Variants in PCDHA5 observed in about 807,000 individuals in gnomAD.
PCDHA5 encodes protocadherin alpha-5.
A neutral mutation model predicts 61.6 loss-of-function variants in PCDHA5; 43 were observed. The observed-to-expected ratio is 0.70, with a 90% CI of 0.55 to 0.90. The LOEUF is 0.90. PCDHA5 is among the 40% of genes least tolerant of loss of function. The probability of loss-of-function intolerance (pLI) is 0.00; values close to 1 mark genes in which losing one functional copy is unlikely to be tolerated. For synonymous variants in PCDHA5, 627 were observed against 543.9 expected (o/e 1.15, Z -2.13); for missense variants, 1,298 against 1,222.7 (o/e 1.06, Z -0.92).
intron 1 of PCDHA5, chr5:140,966,564 T>A (rs1342180377): frequency 2.0e-6 from 1 of 488,548 alleles, no homozygotes; most frequent in Non-Finnish European, 3.4e-6. Context: ...GGAGCTGGAA[T>A]ATGGGGAGTC....
chr5:140,823,703 G>C lies in PCDHA5; in HGVS notation c.1928G>C (p.Arg643Pro). The change falls in exon 1 of 4, where the codon CGC becomes CCC. Residue 643 changes from arginine to proline, a missense_variant. Transcript: ENST00000529859. ...TRSLDETEAP[R>P]HRLLVLVKDH... ...TCTCTGGATGAGACCGAAGCACCGCGCCACCGCCTTCTGGTGCTGGTGAAG... is the reference window on the plus strand; with the variant it reads ...TCTCTGGATGAGACCGAAGCACCGCCCCACCGCCTTCTGGTGCTGGTGAAG... 1 of 1,613,934 alleles carries C rather than the reference G, an allele frequency of 6.2e-7. No homozygotes were observed. The highest frequency in any genetic ancestry group is 8.5e-7 in the Non-Finnish European group (1 of 1,179,934).
At chr5:140,996,699 C>T (rs1462785057) in intron 3 of PCDHA5, among the ~76,000 whole-genome samples, 3 of 152,146 alleles carry the variant, frequency 2.0e-5, no homozygotes, top group Non-Finnish European at 2.9e-5. Flanking sequence ...TTCTGAACCT[C>T]TATCTCTTTG....
intron 1 of PCDHA5, chr5:140,829,748 G>T (rs1179697520): frequency 1.9e-6 from 3 of 1,613,604 alleles, no homozygotes; most frequent in South Asian, 2.2e-5. Context: ...GACGCTGCAG[G>T]TGTTCGTGCT....
intron 1 of PCDHA5, chr5:140,876,310 G>A: frequency 6.2e-7 from 1 of 1,613,982 alleles, no homozygotes. Flanking sequence ...AATTTCCTAT[G>A]GGATCAAAAT....
chr5:140,941,198 T>TC (rs1563184066), intron 1 of PCDHA5, among the ~76,000 whole-genome samples: 3 of 119,812 alleles, frequency 2.5e-5, no homozygotes, highest in African/African-American at 1.0e-4. Flanking sequence ...TTTTTTTCTT[T>TC]CTTCCTTTCT....
Position 141,010,110 on chromosome 5 carries a change from A to C in PCDHA5, c.*173A>C. On this transcript the variant is annotated 3_prime_UTR_variant, in exon 4 of 4. Coordinates refer to ENST00000529859, the MANE Select transcript of PCDHA5 (RefSeq NM_018908.3). ...GAACGCATTTAACAGGTTTTGTCGT[A>C]AAAGCTTTACTAAGTCTGGTGTTAA... 6.2e-7 allele frequency: 1 copy of C among 1,611,166 alleles called. No individual in the cohort carries two copies. The highest frequency in any genetic ancestry group is 8.5e-7 in the Non-Finnish European group (1 of 1,178,396).
chr5:140,854,644 T>C (rs1213707122), intron 1 of PCDHA5: 1 of 150,056 alleles, frequency 6.7e-6, no homozygotes, highest in African/African-American at 2.4e-5. Flanking sequence ...AAAACATCAT[T>C]AAATAAAATA....
At chr5:140,870,505 C>T in intron 1 of PCDHA5, 1 of 1,614,220 alleles carries the variant, frequency 6.2e-7, no homozygotes, top group Non-Finnish European at 8.5e-7. Context: ...GGAGAACAAC[C>T]CACCAGGCTG....
intron 1 of PCDHA5, chr5:140,828,172 G>C: frequency 3.1e-6 from 5 of 1,614,172 alleles, no homozygotes; most frequent in Non-Finnish European, 4.2e-6. Context: ...GGAAGGTGGG[G>C]AGCGGCCAGC....
At chr5:140,858,424 C>T in intron 1 of PCDHA5, 3 of 1,553,410 alleles carry the variant, frequency 1.9e-6, no homozygotes, top group Non-Finnish European at 2.6e-6. Context: ...TTGGAGGGGA[C>T]CACTCTAGGA....
chr5:140,912,380 G>T (rs2075901164), intron 1 of PCDHA5, among the ~76,000 whole-genome samples: 1 of 150,372 alleles, frequency 6.7e-6, no homozygotes, highest in African/African-American at 2.4e-5. Flanking sequence ...AAAAGGGATT[G>T]AGTTCTTAAT....
At chr5:140,968,165 C>T in intron 1 of PCDHA5, 6 of 1,614,120 alleles carry the variant, frequency 3.7e-6, no homozygotes, top group African/African-American at 1.3e-5. Flanking sequence ...TGACAATCCA[C>T]CAAGCTTCCT....
chr5:140,875,556 C>A (rs781896642), intron 1 of PCDHA5: 2 of 1,614,010 alleles, frequency 1.2e-6, no homozygotes, highest in Non-Finnish European at 1.7e-6. Context: ...AGGTGGGGAG[C>A]GGCCAGCTCC....
At chr5:140,857,970 C>A (rs782641512) in intron 1 of PCDHA5, 1 of 1,596,952 alleles carries the variant, frequency 6.3e-7, no homozygotes, top group Non-Finnish European at 8.6e-7. Flanking sequence ...GAGACTGACT[C>A]GCCACGCCAG....
In PCDHA5 at chr5:140,821,922, G is replaced by A. The variant is rs141952109; in HGVS notation, c.147G>A (p.Gln49=). The part of the protein sequence containing the change: ...KHGTFVGRIA[Q]DLGLELAELV... ...GAACCTTCGTTGGCCGCATCGCGCAGGACCTAGGGCTGGAGCTGGCGGAGC... is the reference window on the plus strand; with the variant it reads ...GAACCTTCGTTGGCCGCATCGCGCAAGACCTAGGGCTGGAGCTGGCGGAGC... Residue 49 remains glutamine, a synonymous_variant, in exon 1 of 4, where the codon CAG becomes CAA. Transcript: ENST00000529859. 1 of 1,614,230 alleles carries A rather than the reference G, an allele frequency of 6.2e-7. No homozygotes were observed. Among genetic ancestry groups the A allele is most frequent in the Non-Finnish European group, 8.5e-7 (1 of 1,180,054 alleles).
intron 1 of PCDHA5, chr5:140,856,310 C>A: frequency 1.3e-6 from 2 of 1,598,548 alleles, no homozygotes; most frequent in Non-Finnish European, 1.7e-6. Context: ...TGTGAATTCT[C>A]GGATTGACCG....
chr5:140,836,877 C>T (rs937347859), intron 1 of PCDHA5: 1 of 682,570 alleles, frequency 1.5e-6, no homozygotes, highest in Non-Finnish European at 2.3e-6. Context: ...GCTGTATTTG[C>T]ACTAATTATT....
At chr5:140,924,188 T>A (rs2081715328) in intron 1 of PCDHA5, among the ~76,000 whole-genome samples, 1 of 152,146 alleles carries the variant, frequency 6.6e-6, no homozygotes, top group African/African-American at 2.4e-5. Flanking sequence ...AGAAAATTAG[T>A]TTTGGTTTAG....
At chr5:140,945,001 G>A (rs2093722890) in intron 1 of PCDHA5, among the ~76,000 whole-genome samples, 1 of 151,990 alleles carries the variant, frequency 6.6e-6, no homozygotes, top group African/African-American at 2.4e-5. Context: ...ACGGTTGTGG[G>A]TCATGAATTA....
Sources: gnomAD v4.1 joint callset for allele counts (sites outside exome capture counted in the v4.1 genomes callset) on GRCh38, gnomAD v4.1.1 for gene constraint, MANE v1.5 for transcripts, NCBI Gene and HGNC (gene_info 2026-07-23, HGNC 2026-07-21) for gene names.